The following PPFIA3 variants were observed in gnomAD, a reference collection of about 807,000 sequenced individuals.
PPFIA3 encodes PPFI scaffold protein A3.
PPFIA3 carries 26 observed loss-of-function variants against 145.8 expected under a neutral mutation model. That is an observed-to-expected ratio of 0.18 (90% CI 0.13 to 0.25). The LOEUF is 0.25. Ranked by LOEUF, PPFIA3 falls within the 10% of genes least tolerant of loss-of-function variation. The pLI, the probability that PPFIA3 is intolerant of heterozygous loss-of-function variation, is 1.00. For synonymous variants in PPFIA3, 645 were observed against 661.4 expected (o/e 0.98, Z 0.38); for missense variants, 1,008 against 1,587.8 (o/e 0.63, Z 6.21).
Position 49,128,702 on chromosome 19 carries a change from C to G in PPFIA3, c.343-146C>G. ...GTACCACCGGTTCCTTGACCCCGAC[C>G]TCCTCTCTTTTCCTGACCTGTCTCG... On this transcript the variant is annotated intron_variant, in intron 3 of 29. Transcript: ENST00000334186. The surrounding 1 kb of genome is among the most constrained non-coding windows in gnomAD (Gnocchi z 4.1). The G allele has an allele frequency of 1.1e-6, 1 of 886,570 alleles. No individual in the cohort carries two copies. The highest frequency in any genetic ancestry group is 1.7e-6 in the Non-Finnish European group (1 of 585,244). The allele number at this position is 886,570 out of a possible 1,614,324, so 54.9% of individuals were successfully genotyped here. A position where few individuals can be genotyped will look rare whatever the true frequency, so the allele number is the denominator to read the frequency against.
intron 5 of PPFIA3, 106 bp from the exon 6 acceptor site, chr19:49,129,887 C>G: frequency 8.5e-7 from 1 of 1,181,394 alleles, no homozygotes. Context: ...CGACCGGAGG[C>G]ATCTCATATG....
chr19:49,127,057 C>A (rs1292041386), intron 1 of PPFIA3, among the ~76,000 whole-genome samples: 1 of 137,252 alleles, frequency 7.3e-6, no homozygotes, highest in African/African-American at 2.9e-5. Flanking sequence ...TCCCTTGAGT[C>A]CAGGAGTGAG....
chr19:49,146,055 G>T, intron 22 of PPFIA3, 50 bp downstream of exon 22: 1 of 1,609,132 alleles, frequency 6.2e-7, no homozygotes, highest in Non-Finnish European at 8.5e-7. Context: ...CCTTCTTTGG[G>T]GGTGGGGGCG....
intron 21 of PPFIA3, among the ~76,000 whole-genome samples, chr19:49,144,604 C>T (rs1384352037): frequency 6.6e-6 from 1 of 151,984 alleles, no homozygotes; most frequent in Non-Finnish European, 1.5e-5. Context: ...GTCCTAGCTA[C>T]TCAGGAGGCT....
intron 21 of PPFIA3, among the ~76,000 whole-genome samples, chr19:49,145,488 G>A (rs1283489434): frequency 1.3e-5 from 2 of 152,154 alleles, no homozygotes; most frequent in Non-Finnish European, 2.9e-5. Flanking sequence ...GACGGTGACT[G>A]GTGCCTGACA....
At position 49,149,655 on chromosome 19, in the gene PPFIA3, C is replaced by A. The variant is rs1227993121; in HGVS notation, c.3463C>A (p.Arg1155Ser). ...AGCTGAGATGTTGCCCCCCAACTTT[C>A]GTTCGGCTGCAGCGGGAGCCCTGGG... ...DSAEMLPPNF[R>S]SAAAGALGSP... Residue 1155 changes from arginine (R) to serine (S), a missense_variant, in exon 28 of 30, where the codon CGT becomes AGT. By Grantham distance (110) the Arg-to-Ser change is moderately radical. Coordinates refer to ENST00000334186, the MANE Select transcript of PPFIA3 (RefSeq NM_003660.4). This position sits in a 1 kb window ranked among gnomAD's most constrained non-coding sequence, Gnocchi z 5.7. 1 of 1,614,172 alleles carries A rather than the reference C, an allele frequency of 6.2e-7. No homozygotes were observed. The highest frequency in any genetic ancestry group is 8.5e-7 in the Non-Finnish European group (1 of 1,180,032).
At position 49,150,520 on chromosome 19, in the gene PPFIA3, A is replaced by G. The variant is rs1327196268; in HGVS notation, c.*298A>G. The G allele has an allele frequency of 1.2e-5, 2 of 168,738 alleles. No individual in the cohort carries two copies. The highest frequency in any genetic ancestry group is 2.5e-5 in the Non-Finnish European group (2 of 78,934). 10.5% of individuals were successfully genotyped at this position (168,738 alleles called of 1,614,324 possible). ...AATTTATTGATCAGTTTCTGTTGGG[A>G]GACGGGTGTCCTTTACCCGCGGGAA... is the stretch of plus-strand genomic sequence containing the variant. On this transcript the variant is annotated 3_prime_UTR_variant, in exon 30 of 30. Coordinates refer to ENST00000334186, the MANE Select transcript of PPFIA3 (RefSeq NM_003660.4).
At chr19:49,123,867 C>CTTGTCCCCTGGT (rs1187116927) in intron 1 of PPFIA3, among the ~76,000 whole-genome samples, 1 of 152,138 alleles carries the variant, frequency 6.6e-6, no homozygotes, top group African/African-American at 2.4e-5. Context: ...TAGTTTAGAA[C>CTTGTCCCCTGGT]TTGTCCCCTG....
intron 21 of PPFIA3, among the ~76,000 whole-genome samples, chr19:49,145,080 G>A (rs1363522721): frequency 5.9e-5 from 9 of 152,002 alleles, no homozygotes; most frequent in African/African-American, 9.6e-5. Context: ...AAAGGCACAC[G>A]CCACCATGCC....
Position 49,130,153 on chromosome 19 carries a change from C to CT in PPFIA3, c.657+87dup. On this transcript the variant is annotated intron_variant, in intron 6 of 29. Transcript: ENST00000334186. The surrounding 1 kb of genome is among the most constrained non-coding windows in gnomAD (Gnocchi z 4.5). ...TTTGTAACGTTTGGTATCATCCTCA[C>CT]TGGCCCTAAGACGGCTGCACCTGTA... The CT allele has an allele frequency of 1.4e-6, 2 of 1,412,350 alleles. No individual in the cohort carries two copies. Among genetic ancestry groups the CT allele is most frequent in the Middle Eastern group, 1.8e-4 (1 of 5,558 alleles). The allele number at this position is 1,412,350 out of a possible 1,614,324, so 87.5% of individuals were successfully genotyped here. A position where few individuals can be genotyped will look rare whatever the true frequency, so the allele number is the denominator to read the frequency against.
chr19:49,142,098 G>C lies in PPFIA3; in HGVS notation c.2527G>C (p.Val843Leu). ...TTTTGCTGCCTGGGACGGGCCCACC[G>C]TGGTGTCCTGGCTGGAGGTACTGGG... ...LPFAAWDGPTVVSWLELWVGM... is the reference protein window; with the variant it reads ...LPFAAWDGPTLVSWLELWVGM... The change falls in exon 20 of 30, where the codon GTG (valine) becomes CTG (leucine). Residue 843 changes from valine to leucine, a missense_variant. Physicochemically the swap from Val to Leu is conservative, Grantham distance 32. Transcript: ENST00000334186. 1 of 1,573,700 alleles carries C rather than the reference G, an allele frequency of 6.4e-7. No individual in the cohort carries two copies. The highest frequency in any genetic ancestry group is 8.6e-7 in the Non-Finnish European group (1 of 1,159,212).
At chr19:49,136,142 C>G (rs11879263) in intron 14 of PPFIA3, among the ~76,000 whole-genome samples, 21,763 of 152,134 alleles carry the variant, frequency 0.14, 1,735 homozygotes, top group African/African-American at 0.18. Flanking sequence ...TGAGAGTAAT[C>G]ATGGGACAGG....
chr19:49,139,788 C>G lies in PPFIA3; in HGVS notation c.2197C>G (p.Leu733Val). 1 of 1,613,138 alleles carries G rather than the reference C, an allele frequency of 6.2e-7. No homozygotes were observed. Residue 733 changes from leucine to valine, a missense_variant, in exon 17 of 30, where the codon CTG becomes GTG. Leu to Val is a conservative substitution (Grantham distance 32). Transcript: ENST00000334186. ...TGAGAGAATGACCCAGGCCTTGGCA[C>G]TGCAGGCGGGGTCCCTGGAAGATGG... ...RLERMTQALA[L>V]QAGSLEDGGP...
chr19:49,138,838 G>T (rs1013244342), intron 16 of PPFIA3, among the ~76,000 whole-genome samples: 1 of 152,024 alleles, frequency 6.6e-6, no homozygotes, highest in African/African-American at 2.4e-5. Context: ...TGGCCTGGTG[G>T]CACGTGCCTG....
At position 49,130,746 on chromosome 19, in the gene PPFIA3, A is replaced by G; in HGVS notation, c.879+147A>G. On this transcript the variant is annotated intron_variant, in intron 7 of 29. Transcript: ENST00000334186. This position sits in a 1 kb window ranked among gnomAD's most constrained non-coding sequence, Gnocchi z 4.5. ...GAGATTCAGTTTTCCCACCTGTGAAAGGAAATGTATGATTCTCATCAGAGG... is the reference window on the plus strand; with the variant it reads ...GAGATTCAGTTTTCCCACCTGTGAAGGGAAATGTATGATTCTCATCAGAGG... 1 of 720,586 alleles carries G rather than the reference A, an allele frequency of 1.4e-6. No individual in the cohort carries two copies. The highest frequency in any genetic ancestry group is 2.2e-6 in the Non-Finnish European group (1 of 444,570). 44.6% of individuals were successfully genotyped at this position (720,586 alleles called of 1,614,324 possible).
intron 20 of PPFIA3, among the ~76,000 whole-genome samples, 184 bp downstream of exon 20, chr19:49,142,299 C>G (rs2041232624): frequency 6.6e-6 from 1 of 152,096 alleles, no homozygotes; most frequent in African/African-American, 2.4e-5. Flanking sequence ...GTTTCTTTCT[C>G]CTTCTCCTTC....
In PPFIA3 at chr19:49,148,253, T is replaced by C. The variant is rs2042482379; in HGVS notation, c.3006T>C (p.Phe1002=). 1 of 1,613,616 alleles carries C rather than the reference T, an allele frequency of 6.2e-7. No homozygotes were observed. Among genetic ancestry groups the C allele is most frequent in the South Asian group, 1.1e-5 (1 of 91,028 alleles). Reference sequence around the variant, plus strand: ...GCCAACTCAAGATGGTGGACAGCTTTCACAGGTGGGGGCTGCCTGGCCAGT... The same window carrying C: ...GCCAACTCAAGATGGTGGACAGCTTCCACAGGTGGGGGCTGCCTGGCCAGT... ...LRGQLKMVDS[F]HRVSLHYGIM... The change falls in exon 24 of 30, where the codon TTT becomes TTC. Residue 1002 remains phenylalanine, a synonymous_variant. Coordinates refer to ENST00000334186, the MANE Select transcript of PPFIA3 (RefSeq NM_003660.4).
In PPFIA3 at chr19:49,133,198, A is replaced by T. The variant is rs970582331; in HGVS notation, c.1027-39A>T. ...TGGGGGCGGTGCCGGGGCCCAAGTG[A>T]CCCAGCCCGTCCCCTCCCCCTGCCT... is the stretch of plus-strand genomic sequence containing the variant. On this transcript the variant is annotated intron_variant, in intron 8 of 29. Transcript: ENST00000334186. The surrounding 1 kb of genome is among the most constrained non-coding windows in gnomAD (Gnocchi z 7.2). 6.3e-7 allele frequency: 1 copy of T among 1,584,370 alleles called. No homozygotes were observed. The highest frequency in any genetic ancestry group is 8.6e-7 in the Non-Finnish European group (1 of 1,164,020).
rs2041199641 is a variant in PPFIA3 at position 49,140,093 on chromosome 19, G to GT, written c.2368+6dup. On this transcript the variant is annotated splice_donor_region_variant and intron_variant, in intron 18 of 29. Coordinates refer to ENST00000334186, the MANE Select transcript of PPFIA3 (RefSeq NM_003660.4). ...GCCGGGACAGCTCTTCTCTGGGTGA[G>GT]TACCTCACTCTAACCCTTCCCTCCT... 2.5e-6 allele frequency: 4 copies of GT among 1,613,658 alleles called. No homozygotes were observed. The highest frequency in any genetic ancestry group is 3.4e-6 in the Non-Finnish European group (4 of 1,180,034).
Sources: gnomAD v4.1 joint callset for allele counts (sites outside exome capture counted in the v4.1 genomes callset) on GRCh38, gnomAD v4.1.1 for gene constraint, Gnocchi (gnomAD v3.1) non-coding constraint, MANE v1.5 for transcripts, NCBI Gene and HGNC (gene_info 2026-07-23, HGNC 2026-07-21) for gene names.